ANXA10: variants seen among roughly 807,000 people sequenced by gnomAD.
ANXA10 encodes annexin A10.
ANXA10 carries 49 observed loss-of-function variants against 53.5 expected under a neutral mutation model. That is an observed-to-expected ratio of 0.92 (90% CI 0.73 to 1.16). The LOEUF (loss-of-function observed/expected upper bound fraction) is 1.16, where lower values mean the gene tolerates loss of function less well. ANXA10 is among the 50% of genes most tolerant of loss of function. The pLI is 0.00. For synonymous variants in ANXA10, 131 were observed against 128.9 expected, an observed-to-expected ratio of 1.02 and a Z score of -0.11; for missense variants, 393 against 394.4, an observed-to-expected ratio of 1.00 and a Z score of 0.03.
At chr4:168,104,776 G>C (rs756558840) in intron 1 of ANXA10, among the ~76,000 whole-genome samples, 15 of 151,462 alleles carry the variant, frequency 9.9e-5, no homozygotes, top group South Asian at 8.3e-4. Context: ...TTTCATTGTT[G>C]TCCAAATAAT....
intron 3 of ANXA10, among the ~76,000 whole-genome samples, chr4:168,142,868 T>C (rs1459430894): frequency 6.6e-6 from 1 of 152,290 alleles, no homozygotes; most frequent in Admixed American, 6.5e-5. Flanking sequence ...ATAATGCTAC[T>C]GGGTTGTGCT....
chr4:168,141,558 T>A (rs1301580229), intron 3 of ANXA10, among the ~76,000 whole-genome samples: 2 of 152,216 alleles, frequency 1.3e-5, no homozygotes, highest in Non-Finnish European at 2.9e-5. Context: ...CGTGTTTCCA[T>A]GCGCTACTAA....
intron 3 of ANXA10, among the ~76,000 whole-genome samples, chr4:168,142,101 G>A (rs540563847): frequency 2.4e-4 from 36 of 152,020 alleles, no homozygotes; most frequent in Non-Finnish European, 4.1e-4. Flanking sequence ...TTGTCCACCC[G>A]CTACAGCATT....
chr4:168,138,811 T>G (rs1731280630), intron 2 of ANXA10, among the ~76,000 whole-genome samples: 1 of 152,232 alleles, frequency 6.6e-6, no homozygotes, highest in Non-Finnish European at 1.5e-5. Flanking sequence ...TTTCACTTCC[T>G]TGGTTAAATG....
intron 2 of ANXA10, among the ~76,000 whole-genome samples, chr4:168,136,303 C>T (rs910446443): frequency 1.3e-5 from 2 of 152,186 alleles, no homozygotes; most frequent in South Asian, 4.1e-4. Flanking sequence ...CAACAGTCTC[C>T]TAAGCCTTAA....
intron 3 of ANXA10, among the ~76,000 whole-genome samples, chr4:168,141,925 G>A (rs1048528782): frequency 5.3e-5 from 8 of 152,166 alleles, no homozygotes; most frequent in Admixed American, 1.3e-4. Flanking sequence ...TAGTCAGTGC[G>A]CATGCGTGGG....
At chr4:168,140,222 T>A (rs191885323) in intron 3 of ANXA10, among the ~76,000 whole-genome samples, 3 of 152,330 alleles carry the variant, frequency 2.0e-5, no homozygotes, top group African/African-American at 7.2e-5. Flanking sequence ...GAACAAAAAC[T>A]CTTCAGGCCA....
At chr4:168,110,704 C>T (rs1730794552) in intron 1 of ANXA10, among the ~76,000 whole-genome samples, 1 of 151,928 alleles carries the variant, frequency 6.6e-6, no homozygotes, top group South Asian at 2.1e-4. Flanking sequence ...ATGGATTGCC[C>T]AGGCCAGGTT....
At chr4:168,154,770 C>A (rs1453348579) in intron 3 of ANXA10, among the ~76,000 whole-genome samples, 1 of 152,120 alleles carries the variant, frequency 6.6e-6, no homozygotes, top group Admixed American at 6.5e-5. Context: ...GCTATGTCAC[C>A]TTTGTGTGCC....
chr4:168,164,096 T>C, intron 4 of ANXA10, 102 bp from the exon 5 acceptor site: 1 of 863,158 alleles, frequency 1.2e-6, no homozygotes, highest in Non-Finnish European at 1.8e-6. Context: ...CCCTGCCACC[T>C]CTCAAAACAC....
intron 4 of ANXA10, 100 bp downstream of exon 4, chr4:168,162,741 A>G (rs543694474): frequency 1.2e-6 from 1 of 833,292 alleles, no homozygotes; most frequent in South Asian, 1.5e-5. Flanking sequence ...TATATGATCA[A>G]GGAGAGGGGA....
chr4:168,148,390 T>C (rs887410662), intron 3 of ANXA10, among the ~76,000 whole-genome samples: 16 of 152,076 alleles, frequency 1.1e-4, no homozygotes, highest in Admixed American at 2.6e-4. Flanking sequence ...TGGTCTTGAA[T>C]TCCTGACCTT....
intron 2 of ANXA10, among the ~76,000 whole-genome samples, chr4:168,130,751 TTAA>T (rs1483617924): frequency 6.6e-6 from 1 of 152,008 alleles, no homozygotes; most frequent in Non-Finnish European, 1.5e-5. Context: ...CTTAGAGTTA[TTAA>T]TAATATTTTA....
At chr4:168,104,550 ACAAATT>A (rs769849628) in intron 1 of ANXA10, among the ~76,000 whole-genome samples, 1 of 151,988 alleles carries the variant, frequency 6.6e-6, no homozygotes, top group Non-Finnish European at 1.5e-5. Flanking sequence ...GTTTCTAAAT[ACAAATT>A]CAATTTTCTC....
chr4:168,117,357 C>A (rs1446722478), intron 1 of ANXA10, among the ~76,000 whole-genome samples: 1 of 152,180 alleles, frequency 6.6e-6, no homozygotes, highest in Non-Finnish European at 1.5e-5. Flanking sequence ...CAAAATAACT[C>A]CTTTTAAAAA....
In ANXA10 at chr4:168,156,293, T is replaced by TTATATATAATGTA. The variant is rs1731674613; in HGVS notation, c.196-6230_196-6229insATAATGTATATAT. Reference sequence around the variant, plus strand: ...ATTATATATAATAGTATATATTATATTATATTATATATAATAGTATATATA... The same window carrying TTATATATAATGTA: ...ATTATATATAATAGTATATATTATATTATATATAATGTATATATTATATATAATAGTATATATA... On this transcript the variant is annotated intron_variant, in intron 3 of 11. Transcript: ENST00000359299. Among the ~76,000 whole-genome samples the TTATATATAATGTA allele has an allele frequency of 7.9e-5, 4 of 50,520 alleles. No homozygotes were observed. In the South Asian group the frequency reaches 2.2e-3, roughly 27 times the overall value. 33.1% of individuals were successfully genotyped at this position (50,520 alleles called of 152,430 possible).
At chr4:168,186,968 A>G (rs888211913) in intron 11 of ANXA10, among the ~76,000 whole-genome samples, 1 of 152,124 alleles carries the variant, frequency 6.6e-6, no homozygotes, top group Non-Finnish European at 1.5e-5. Flanking sequence ...GAATTACTAC[A>G]TTAATAATTA....
intron 3 of ANXA10, among the ~76,000 whole-genome samples, chr4:168,150,818 T>C (rs1473452737): frequency 6.6e-6 from 1 of 152,088 alleles, no homozygotes; most frequent in Non-Finnish European, 1.5e-5. Flanking sequence ...AAGCGGTCAG[T>C]GGTCTCTAGC....
At position 168,165,365 on chromosome 4, in the gene ANXA10, A is replaced by T. The variant is rs1280300710; in HGVS notation, c.480+39A>T. On this transcript the variant is annotated intron_variant, in intron 6 of 11. Coordinates refer to ENST00000359299, the MANE Select transcript of ANXA10 (RefSeq NM_007193.5). ...AAATTTACATTACTTTGCACTATCTAAGCAAATAAGTATATGTCATTGCCA... is the reference window on the plus strand; with the variant it reads ...AAATTTACATTACTTTGCACTATCTTAGCAAATAAGTATATGTCATTGCCA... The T allele has an allele frequency of 2.5e-6, 3 of 1,180,502 alleles. No individual in the cohort carries two copies. The African/African-American group carries it at 4.8e-5, about 19-fold the overall frequency. 73.1% of individuals were successfully genotyped at this position (1,180,502 alleles called of 1,614,324 possible). A position where few individuals can be genotyped will look rare whatever the true frequency, so the allele number is the denominator to read the frequency against.
Sources: allele counts gnomAD v4.1 joint callset (sites outside exome capture counted in the v4.1 genomes callset), GRCh38; gene constraint gnomAD v4.1.1; transcripts MANE v1.5; gene names NCBI Gene and HGNC (gene_info 2026-07-23, HGNC 2026-07-21).